Variants in SNX29 observed in about 807,000 individuals in gnomAD.
SNX29 encodes the protein sorting nexin-29.
SNX29 carries 78 observed loss-of-function variants against 102.1 expected under a neutral mutation model. The ratio of observed to expected loss-of-function variants is 0.76; its 90% CI spans 0.64 to 0.92. The LOEUF (loss-of-function observed/expected upper bound fraction) is 0.92, where lower values mean the gene tolerates loss of function less well. SNX29 is among the 40% of genes least tolerant of loss of function. The pLI is 0.00. For synonymous variants in SNX29, 580 were observed against 414.5 expected (o/e 1.40, Z -4.85); for missense variants, 1,280 against 1,061.7 (o/e 1.21, Z -2.86).
intron 14 of SNX29, among the ~76,000 whole-genome samples, chr16:12,229,512 T>C (rs895769876): frequency 6.6e-6 from 1 of 152,224 alleles, no homozygotes; most frequent in African/African-American, 2.4e-5. Flanking sequence ...TTGTGACTTA[T>C]GTCCAGTGGA....
chr16:12,196,622 C>CTTTTTTTTTTTTTTTTTTTTT (rs34779383), intron 13 of SNX29, among the ~76,000 whole-genome samples: 3 of 129,662 alleles, frequency 2.3e-5, no homozygotes, highest in Non-Finnish European at 4.8e-5. Context: ...TTTCTTTTTT[C>CTTTTTTTTTTTTTTTTTTTTT]TTTTTTTTTT....
rs905032276 is a variant in SNX29 at position 12,574,105 on chromosome 16, C to G, written c.*5476C>G. 5.3e-6 allele frequency: 1 copy of G among 187,056 alleles called. No individual in the cohort carries two copies. Among genetic ancestry groups the G allele is most frequent in the Non-Finnish European group, 1.1e-5 (1 of 88,652 alleles). 11.6% of individuals were successfully genotyped at this position (187,056 alleles called of 1,614,324 possible). On this transcript the variant is annotated 3_prime_UTR_variant, in exon 21 of 21. Transcript: ENST00000566228. ...CCTGAAACCTGTAGTATTATCTTAACTACCCTCTTATGTTAAGGTTTACAT... is the reference window on the plus strand; with the variant it reads ...CCTGAAACCTGTAGTATTATCTTAAGTACCCTCTTATGTTAAGGTTTACAT...
intron 8 of SNX29, among the ~76,000 whole-genome samples, chr16:12,054,863 T>C (rs1346955878): frequency 6.6e-6 from 1 of 152,240 alleles, no homozygotes; most frequent in Non-Finnish European, 1.5e-5. Context: ...GTGAAATGTT[T>C]CCCCTTTTGT....
intron 3 of SNX29, among the ~76,000 whole-genome samples, chr16:12,026,066 G>T (rs1017350701): frequency 1.3e-5 from 2 of 152,182 alleles, no homozygotes; most frequent in Non-Finnish European, 2.9e-5. Flanking sequence ...CTGGAGTATT[G>T]TTACCATGGG....
intron 14 of SNX29, among the ~76,000 whole-genome samples, chr16:12,230,356 T>C (rs914788582): frequency 1.6e-4 from 25 of 152,164 alleles, no homozygotes; most frequent in African/African-American, 5.8e-4. Flanking sequence ...AAATAGACAA[T>C]CACGTTCTCT....
chr16:12,161,670 C>G (rs1324534332), intron 13 of SNX29, among the ~76,000 whole-genome samples: 3 of 152,144 alleles, frequency 2.0e-5, no homozygotes, highest in Admixed American at 6.5e-5. Context: ...TCATGAATGG[C>G]TTAGCACACT....
intron 20 of SNX29, among the ~76,000 whole-genome samples, chr16:12,525,371 T>C (rs1275191107): frequency 1.3e-5 from 2 of 151,702 alleles, no homozygotes; most frequent in Non-Finnish European, 2.9e-5. Context: ...ATTATGCACT[T>C]AGAAAATCAT....
intron 18 of SNX29, among the ~76,000 whole-genome samples, chr16:12,422,963 T>G (rs907246643): frequency 2.0e-5 from 3 of 152,170 alleles, no homozygotes; most frequent in African/African-American, 7.2e-5. Flanking sequence ...ATCCGAAGCT[T>G]AAAGGAACAG....
chr16:12,245,426 A>G (rs2078232590), intron 14 of SNX29, among the ~76,000 whole-genome samples: 2 of 151,534 alleles, frequency 1.3e-5, no homozygotes, highest in South Asian at 2.1e-4. Context: ...GTCAAAGATG[A>G]CATGTTTGAA....
intron 15 of SNX29, among the ~76,000 whole-genome samples, chr16:12,290,494 C>T (rs2079757103): frequency 6.6e-6 from 1 of 152,236 alleles, no homozygotes; most frequent in African/African-American, 2.4e-5. Context: ...TCTCCTAATC[C>T]TCCTAGTACG....
chr16:12,444,785 G>A (rs2085968668), intron 18 of SNX29, among the ~76,000 whole-genome samples: 3 of 151,914 alleles, frequency 2.0e-5, no homozygotes, highest in Admixed American at 2.0e-4. Context: ...CTCTAGATCA[G>A]GGGTGAGCAA....
At chr16:12,543,924 C>A (rs559016171) in intron 20 of SNX29, among the ~76,000 whole-genome samples, 16 of 152,160 alleles carry the variant, frequency 1.1e-4, no homozygotes, top group Non-Finnish European at 1.5e-5. Flanking sequence ...AGGTGGAATC[C>A]GGCACCCTCT....
chr16:12,177,626 A>G (rs909162405), intron 13 of SNX29, among the ~76,000 whole-genome samples: 1 of 152,234 alleles, frequency 6.6e-6, no homozygotes, highest in Non-Finnish European at 1.5e-5. Context: ...TAGCTGTATT[A>G]AGATGGGATT....
intron 14 of SNX29, among the ~76,000 whole-genome samples, chr16:12,273,512 C>G (rs527735780): frequency 8.6e-5 from 13 of 151,940 alleles, no homozygotes; most frequent in Non-Finnish European, 1.8e-4. Context: ...GCGCACACCA[C>G]CATGCCCGGC....
intron 19 of SNX29, among the ~76,000 whole-genome samples, chr16:12,512,402 A>AGTT (rs2089668490): frequency 1.4e-5 from 1 of 71,972 alleles, no homozygotes; most frequent in African/African-American, 6.6e-5. Flanking sequence ...ATATATATAT[A>AGTT]TATATATATA....
chr16:12,345,788 G>C (rs974102005), intron 15 of SNX29, among the ~76,000 whole-genome samples: 1 of 152,190 alleles, frequency 6.6e-6, no homozygotes, highest in Admixed American at 6.5e-5. Context: ...TCCTTCTCTT[G>C]AAATGTTTTC....
At chr16:12,487,438 A>G (rs1386621543) in intron 19 of SNX29, among the ~76,000 whole-genome samples, 1 of 152,096 alleles carries the variant, frequency 6.6e-6, no homozygotes, top group Non-Finnish European at 1.5e-5. Context: ...GGCTCCATAT[A>G]AAGTGTTTAT....
chr16:12,428,520 A>G (rs1035433636), intron 18 of SNX29, among the ~76,000 whole-genome samples: 3 of 152,252 alleles, frequency 2.0e-5, no homozygotes, highest in Non-Finnish European at 4.4e-5. Flanking sequence ...TACAGTTGCA[A>G]TTAATATCTC....
chr16:12,296,769 C>T (rs969575691), intron 15 of SNX29, among the ~76,000 whole-genome samples: 1 of 152,228 alleles, frequency 6.6e-6, no homozygotes, highest in Non-Finnish European at 1.5e-5. Context: ...GATACATTTA[C>T]TGCTCATAAA....
Sources: gnomAD v4.1 joint callset for allele counts (sites outside exome capture counted in the v4.1 genomes callset) on GRCh38, gnomAD v4.1.1 for gene constraint, MANE v1.5 for transcripts, NCBI Gene and HGNC (gene_info 2026-07-23, HGNC 2026-07-21) for gene names.